SORCS1: variants seen among roughly 807,000 people sequenced by gnomAD.
SORCS1 encodes VPS10 domain-containing receptor SorCS1.
A neutral mutation model predicts 146.1 loss-of-function variants in SORCS1; 60 were observed. The observed-to-expected ratio is 0.41, with a 90% CI of 0.33 to 0.51. The LOEUF (loss-of-function observed/expected upper bound fraction) is 0.51. Ranked by LOEUF, SORCS1 falls within the 20% of genes least tolerant of loss-of-function variation. The pLI, the probability that SORCS1 is intolerant of heterozygous loss-of-function variation, is 0.21. For synonymous variants in SORCS1, 637 were observed against 584.0 expected (o/e 1.09, Z -1.31); for missense variants, 1,352 against 1,487.6 (o/e 0.91, Z 1.50).
At chr10:106,950,691 T>C (rs559596701) in intron 2 of SORCS1, among the ~76,000 whole-genome samples, 1 of 152,218 alleles carries the variant, frequency 6.6e-6, no homozygotes, top group East Asian at 1.9e-4. Context: ...GTTGCTTGTT[T>C]GGGTATAGAA....
chr10:106,577,706 A>C, intron 25 of SORCS1, 151 bp from the exon 26 acceptor site: 1 of 1,415,670 alleles, frequency 7.1e-7, no homozygotes, highest in Non-Finnish European at 9.2e-7. Flanking sequence ...ACCCTACGGA[A>C]ATGCGACTGA....
At chr10:106,601,801 C>G (rs1846258462) in intron 23 of SORCS1, among the ~76,000 whole-genome samples, 1 of 152,196 alleles carries the variant, frequency 6.6e-6, no homozygotes, top group South Asian at 2.1e-4. Flanking sequence ...GGAAAAGGAG[C>G]TAGCAAAATT....
intron 24 of SORCS1, 110 bp downstream of exon 24, chr10:106,597,241 G>T: frequency 1.2e-6 from 1 of 833,376 alleles, no homozygotes; most frequent in South Asian, 1.5e-5. Flanking sequence ...TGACTGATTT[G>T]ATTTCTGATT....
chr10:107,049,369 T>A (rs1959886495), intron 1 of SORCS1, among the ~76,000 whole-genome samples: 1 of 151,348 alleles, frequency 6.6e-6, no homozygotes, highest in African/African-American at 2.4e-5. Flanking sequence ...TGTATACATA[T>A]GTAACTAACC....
intron 2 of SORCS1, among the ~76,000 whole-genome samples, chr10:106,916,761 T>G (rs567729507): frequency 3.9e-5 from 6 of 151,920 alleles, no homozygotes; most frequent in Non-Finnish European, 8.8e-5. Context: ...TTTTCTTTTA[T>G]TTTTTTGAGA....
intron 5 of SORCS1, among the ~76,000 whole-genome samples, chr10:106,751,142 C>A (rs912846353): frequency 7.0e-6 from 1 of 142,132 alleles, no homozygotes; most frequent in Admixed American, 7.2e-5. Flanking sequence ...ATGTGGAGAT[C>A]ATTAACAATA....
intron 3 of SORCS1, among the ~76,000 whole-genome samples, chr10:106,825,596 A>G (rs1385721960): frequency 1.3e-5 from 2 of 150,402 alleles, no homozygotes; most frequent in East Asian, 2.0e-4. Context: ...TCTTTGCTAC[A>G]TTTGTATTAG....
At chr10:106,781,767 G>A (rs1489205781) in intron 3 of SORCS1, among the ~76,000 whole-genome samples, 1 of 152,286 alleles carries the variant, frequency 6.6e-6, no homozygotes, top group African/African-American at 2.4e-5. Context: ...GAGGGAAAGA[G>A]CAATTAAGTG....
At chr10:106,925,526 T>C (rs956726694) in intron 2 of SORCS1, among the ~76,000 whole-genome samples, 3 of 152,224 alleles carry the variant, frequency 2.0e-5, no homozygotes, top group Non-Finnish European at 4.4e-5. Context: ...AACCTCTTCA[T>C]ATCCCAAGAC....
chr10:106,737,434 A>AT (rs1040833046), intron 5 of SORCS1, among the ~76,000 whole-genome samples: 4 of 61,692 alleles, frequency 6.5e-5, no homozygotes, highest in Non-Finnish European at 1.5e-4. Context: ...TTAAATAAAT[A>AT]TTTTTTTTAA....
intron 1 of SORCS1, among the ~76,000 whole-genome samples, chr10:107,018,113 T>C (rs572608474): frequency 1.3e-5 from 2 of 152,186 alleles, no homozygotes; most frequent in African/African-American, 2.4e-5. Context: ...TCTTGCTAAG[T>C]TCCCCCTAGT....
At chr10:106,879,316 G>A (rs1426754927) in intron 2 of SORCS1, among the ~76,000 whole-genome samples, 1 of 152,196 alleles carries the variant, frequency 6.6e-6, no homozygotes, top group Non-Finnish European at 1.5e-5. Flanking sequence ...TTTTGGCAGT[G>A]TAATGTCTAA....
chr10:106,733,601 T>C (rs941569492), intron 5 of SORCS1, among the ~76,000 whole-genome samples: 13 of 152,244 alleles, frequency 8.5e-5, no homozygotes, highest in Non-Finnish European at 1.8e-4. Context: ...GCATTCTGTG[T>C]GTTTTAAGAC....
intron 1 of SORCS1, among the ~76,000 whole-genome samples, chr10:107,083,056 C>G (rs1010124493): frequency 6.7e-6 from 1 of 148,896 alleles, no homozygotes; most frequent in Non-Finnish European, 1.5e-5. Flanking sequence ...TTGCAGTGAG[C>G]CATGATCGCA....
rs145722154 is a variant in SORCS1, at chr10:107,074,371, T to C, written c.558+89598A>G. On this transcript the variant is annotated intron_variant, in intron 1 of 25. Transcript: ENST00000263054. ...TACTCCATGTCTCTTCATGACTTGATAGCTCATTTCTGATTAGGGCTGAGT... is the reference window on the plus strand; with the variant it reads ...TACTCCATGTCTCTTCATGACTTGACAGCTCATTTCTGATTAGGGCTGAGT... Among the ~76,000 whole-genome samples the C allele has an allele frequency of 3.0e-3, 450 of 152,332 alleles. 7 individuals carry two copies. The highest frequency in any genetic ancestry group is 0.01 in the African/African-American group (428 of 41,592).
At chr10:106,753,560 G>A (rs889606151) in intron 5 of SORCS1, among the ~76,000 whole-genome samples, 19 of 152,082 alleles carry the variant, frequency 1.2e-4, no homozygotes, top group Admixed American at 7.2e-4. Context: ...TTATATTCTG[G>A]AGTGTTTTCT....
At chr10:106,736,600 G>GT (rs1856962077) in intron 5 of SORCS1, among the ~76,000 whole-genome samples, 1 of 2,526 alleles carries the variant, frequency 4.0e-4, no homozygotes, top group African/African-American at 1.4e-3. Flanking sequence ...GATAACCCTG[G>GT]TTAAAAAAAA....
intron 1 of SORCS1, among the ~76,000 whole-genome samples, chr10:107,113,621 C>T (rs1229010712): frequency 4.9e-5 from 7 of 141,886 alleles, no homozygotes; most frequent in African/African-American, 1.1e-4. Context: ...ACCCGGGAGG[C>T]GGAGGTTGCA....
In SORCS1 at chr10:106,776,519, G is replaced by C. The variant is rs371232689; in HGVS notation, c.885+15C>G. ...AACCATGCTTCATTGTCTCAAACAAGGTAAGTATGCTCACCTTTTGGTCTT... is the reference window on the plus strand; with the variant it reads ...AACCATGCTTCATTGTCTCAAACAACGTAAGTATGCTCACCTTTTGGTCTT... On this transcript the variant is annotated intron_variant, in intron 4 of 25. Transcript: ENST00000263054. 6.8e-5 allele frequency: 110 copies of C among 1,613,336 alleles called. No homozygotes were observed. The highest frequency in any genetic ancestry group is 9.0e-5 in the Non-Finnish European group (106 of 1,179,586).
Sources: allele counts gnomAD v4.1 joint callset (sites outside exome capture counted in the v4.1 genomes callset), GRCh38; gene constraint gnomAD v4.1.1; transcripts MANE v1.5; gene names NCBI Gene and HGNC (gene_info 2026-07-23, HGNC 2026-07-21).